Variants in NFIB observed in about 807,000 individuals in gnomAD.
NFIB encodes the protein nuclear factor I B.
In NFIB, 11 loss-of-function variants were observed where a neutral mutation model predicts 61.5. The ratio of observed to expected loss-of-function variants is 0.18; its 90% CI spans 0.11 to 0.30. NFIB has a LOEUF of 0.30. Ranked by LOEUF, NFIB falls within the 10% of genes least tolerant of loss-of-function variation. The pLI is 1.00. For missense variants in NFIB, 471 were observed against 608.9 expected, an observed-to-expected ratio of 0.77 and a Z score of 2.38; for synonymous variants, 260 against 216.5, an observed-to-expected ratio of 1.20 and a Z score of -1.76.
chr9:14,156,717 A>T (rs1052325885), intron 3 of NFIB, among the ~76,000 whole-genome samples: 1 of 151,926 alleles, frequency 6.6e-6, no homozygotes, highest in Non-Finnish European at 1.5e-5. Flanking sequence ...CACCCAGCCC[A>T]CCCCATTCTC....
At chr9:14,178,541 G>A (rs1379674638) in intron 3 of NFIB, among the ~76,000 whole-genome samples, 1 of 151,134 alleles carries the variant, frequency 6.6e-6, no homozygotes, top group Non-Finnish European at 1.5e-5. Context: ...TTTTATCTTT[G>A]AAGTGTATAC....
intron 7 of NFIB, among the ~76,000 whole-genome samples, chr9:14,122,037 T>C (rs186276939): frequency 4.6e-5 from 7 of 152,210 alleles, no homozygotes; most frequent in East Asian, 3.9e-4. Flanking sequence ...TATTTCCCAA[T>C]TCAAATAATA....
In NFIB at chr9:14,307,003, T is replaced by A; in HGVS notation, c.548A>T (p.Tyr183Phe). 6.2e-7 allele frequency: 1 copy of A among 1,614,062 alleles called. No individual in the cohort carries two copies. The highest frequency in any genetic ancestry group is 2.2e-5 in the East Asian group (1 of 44,870). The change falls in exon 2 of 11, where the codon TAC becomes TTC. Residue 183 changes from tyrosine to phenylalanine, a missense_variant. Around this residue, in one of 2 missense-constraint regions of NFIB, gnomAD observed 372 missense variants for 395.6 expected, o/e 0.94. Transcript: ENST00000380953. The surrounding 1 kb of genome is among the most constrained non-coding windows in gnomAD (Gnocchi z 5.3). Reference sequence around the variant, plus strand: ...TCTGCTCCTACCTTGCTCCTGCACGTAGTATGCCAAAAACAAATCAAGCTC... The same window carrying A: ...TCTGCTCCTACCTTGCTCCTGCACGAAGTATGCCAAAAACAAATCAAGCTC... ...VKELDLFLAY[Y>F]VQEQDSGQSG...
At position 14,120,630 on chromosome 9, in the gene NFIB, G is replaced by A. The variant is rs1472885896; in HGVS notation, c.1061-6C>T. On this transcript the variant is annotated splice_polypyrimidine_tract_variant and splice_region_variant and intron_variant, in intron 7 of 10. Transcript: ENST00000380953. The surrounding 1 kb of genome is among the most constrained non-coding windows in gnomAD (Gnocchi z 4.4). ...TGGAGTTCGAGTTGAGATGACTGCA[G>A]AAGACAGAAAAGGAAAGATTGACTC... The A allele has an allele frequency of 2.5e-6, 4 of 1,592,296 alleles. No homozygotes were observed. The highest frequency in any genetic ancestry group is 3.4e-6 in the Non-Finnish European group (4 of 1,170,622).
At chr9:14,367,073 T>C (rs2061308959) in intron 1 of NFIB, among the ~76,000 whole-genome samples, 1 of 152,206 alleles carries the variant, frequency 6.6e-6, no homozygotes, top group Admixed American at 6.5e-5. Context: ...CCTGAGTTGA[T>C]GACCATGATA....
the NFIB span, among the ~76,000 whole-genome samples, chr9:14,440,588 T>C: frequency 3.5e-4 from 54 of 152,294 alleles, no homozygotes; most frequent in African/African-American, 1.3e-3. Flanking sequence ...ACATCACTGA[T>C]CAGAAAGAGA....
intron 2 of NFIB, among the ~76,000 whole-genome samples, chr9:14,187,194 A>G (rs28373299): frequency 0.046 from 7,021 of 152,142 alleles, 478 homozygotes; most frequent in African/African-American, 0.15. Context: ...GCTGTTCATG[A>G]AAAGTTTTAA....
At chr9:14,327,950 T>C (rs1006353691) in intron 1 of NFIB, among the ~76,000 whole-genome samples, 1 of 152,178 alleles carries the variant, frequency 6.6e-6, no homozygotes, top group African/African-American at 2.4e-5. Context: ...AAGGGAGCAG[T>C]GGTAGATGGA....
chr9:14,324,195 A>C (rs1301146404), intron 1 of NFIB, among the ~76,000 whole-genome samples: 1 of 152,170 alleles, frequency 6.6e-6, no homozygotes, highest in African/African-American at 2.4e-5. Context: ...CTCCCCACTC[A>C]GTTCAAGTGG....
intron 1 of NFIB, among the ~76,000 whole-genome samples, chr9:14,358,222 CTATATAAAATAATTTTATATT>C (rs2061198914): frequency 6.7e-6 from 1 of 148,438 alleles, no homozygotes; most frequent in Non-Finnish European, 1.5e-5. Context: ...TAAATATATA[CTATATAAAATAATTTTATATT>C]TATATAAAAT....
chr9:14,321,663 C>A (rs2060663506), intron 1 of NFIB, among the ~76,000 whole-genome samples: 1 of 152,110 alleles, frequency 6.6e-6, no homozygotes, highest in South Asian at 2.1e-4. Flanking sequence ...GATTCTGCAC[C>A]GTTTGGACCA....
At chr9:14,381,166 A>C (rs1418751831) in intron 1 of NFIB, among the ~76,000 whole-genome samples, 1 of 151,404 alleles carries the variant, frequency 6.6e-6, no homozygotes, top group Admixed American at 6.6e-5. Context: ...TCATGGATGC[A>C]AAAAGCATTT....
intron 2 of NFIB, among the ~76,000 whole-genome samples, chr9:14,223,616 T>A (rs1371179061): frequency 6.6e-6 from 1 of 152,166 alleles, no homozygotes; most frequent in Non-Finnish European, 1.5e-5. Flanking sequence ...AATCAAAAGT[T>A]AAATTTTTTG....
chr9:14,179,414 TA>T (rs1255275037), intron 3 of NFIB, among the ~76,000 whole-genome samples: 2 of 152,144 alleles, frequency 1.3e-5, no homozygotes, highest in African/African-American at 2.4e-5. Flanking sequence ...AAAGAAAGAT[TA>T]AAAGGTTCAT....
At chr9:14,448,499 C>G in the NFIB span, among the ~76,000 whole-genome samples, 1 of 152,136 alleles carries the variant, frequency 6.6e-6, no homozygotes, top group African/African-American at 2.4e-5. Flanking sequence ...TCCAGTGCTT[C>G]CTTTTTCTTA....
intron 6 of NFIB, among the ~76,000 whole-genome samples, chr9:14,131,163 GT>G (rs1166477541): frequency 1.3e-5 from 2 of 152,092 alleles, no homozygotes; most frequent in African/African-American, 4.8e-5. Flanking sequence ...GTACACCCAT[GT>G]TTACATTTAT....
chr9:14,321,618 C>G (rs115433172), intron 1 of NFIB, among the ~76,000 whole-genome samples: 1,671 of 152,214 alleles, frequency 0.011, 39 homozygotes, highest in African/African-American at 0.038. Context: ...GGGAGAGGGG[C>G]ATAAAGCAGA....
the NFIB span, among the ~76,000 whole-genome samples, chr9:14,530,350 G>T: frequency 1.3e-5 from 2 of 152,098 alleles, no homozygotes; most frequent in African/African-American, 4.8e-5. Flanking sequence ...CCACTTTAGA[G>T]TTTATATCAC....
At chr9:14,182,127 C>T (rs533227232) in intron 2 of NFIB, among the ~76,000 whole-genome samples, 1 of 152,252 alleles carries the variant, frequency 6.6e-6, no homozygotes, top group African/African-American at 2.4e-5. Flanking sequence ...ATTACTTTTT[C>T]TTCTCATTTC....
Sources: gnomAD v4.1 joint callset for allele counts (sites outside exome capture counted in the v4.1 genomes callset) on GRCh38, gnomAD v4.1.1 for gene constraint, gnomAD v4.1.1 regional missense constraint, Gnocchi (gnomAD v3.1) non-coding constraint, MANE v1.5 for transcripts, NCBI Gene and HGNC (gene_info 2026-07-23, HGNC 2026-07-21) for gene names.